ARHGAP6: variants seen among roughly 807,000 people sequenced by gnomAD.
ARHGAP6 encodes the protein rho GTPase-activating protein 6.
ARHGAP6 carries 16 observed loss-of-function variants against 55.7 expected under a neutral mutation model. The observed-to-expected ratio is 0.29, with a 90% CI of 0.19 to 0.44. ARHGAP6 has a LOEUF of 0.44. ARHGAP6 is among the 20% of genes least tolerant of loss of function. The pLI is 1.00. For synonymous variants in ARHGAP6, 382 were observed against 360.9 expected (o/e 1.06, Z -0.66); for missense variants, 698 against 808.9 (o/e 0.86, Z 1.66).
rs991824865 is a variant in ARHGAP6 at position 11,431,773 on chromosome X, C to T, written c.589-177066G>A. On this transcript the variant is annotated intron_variant, in intron 1 of 12. Transcript: ENST00000337414. ...TGTTACAAAACATTCACCTGTCTAACCTTCACTGAGGTCAAAAATTAAAAT... is the reference window on the plus strand; with the variant it reads ...TGTTACAAAACATTCACCTGTCTAATCTTCACTGAGGTCAAAAATTAAAAT... Among the ~76,000 whole-genome samples, 3 of 112,345 alleles carry T rather than the reference C, an allele frequency of 2.7e-5. No homozygotes were observed. In the East Asian group the frequency reaches 8.3e-4, roughly 31 times the overall value.
At position 11,295,021 on chromosome X, in the gene ARHGAP6, G is replaced by A. The variant is rs139502132; in HGVS notation, c.589-40314C>T. ...TTAAAAAGGTATATTCTCAAATGCC[G>A]CTACCAAAAATTCTGATTTGGTACA... On this transcript the variant is annotated intron_variant, in intron 1 of 12. Transcript: ENST00000337414. Among the ~76,000 whole-genome samples the A allele has an allele frequency of 6.0e-3, 671 of 111,823 alleles. 2 individuals are homozygous for A. The highest frequency in any genetic ancestry group is 0.028 in the Middle Eastern group (6 of 216).
chrX:11,171,353 T>G (rs1430287628), intron 8 of ARHGAP6, among the ~76,000 whole-genome samples: 1 of 108,899 alleles, frequency 9.2e-6, no homozygotes, highest in African/African-American at 3.4e-5. Context: ...TTTTGTAACT[T>G]GCTTACTATC....
chrX:11,461,361 T>C (rs1247114733), intron 1 of ARHGAP6, among the ~76,000 whole-genome samples: 1 of 111,652 alleles, frequency 9.0e-6, no homozygotes, highest in Non-Finnish European at 1.9e-5. Context: ...AAGAAATCAT[T>C]GGAGAGATAG....
intron 2 of ARHGAP6, among the ~76,000 whole-genome samples, chrX:11,205,767 T>C (rs904327554): frequency 1.8e-5 from 2 of 112,185 alleles, no homozygotes; most frequent in Non-Finnish European, 3.8e-5. Context: ...TTCTTCCTTA[T>C]GGATCCTACA....
intron 2 of ARHGAP6, among the ~76,000 whole-genome samples, chrX:11,248,874 C>A (rs1025613384): frequency 1.8e-5 from 2 of 111,705 alleles, no homozygotes; most frequent in Non-Finnish European, 3.8e-5. Context: ...CCTTAAAGAA[C>A]TAAAAGTAGA....
At chrX:11,623,240 T>C (rs1249351840) in intron 1 of ARHGAP6, among the ~76,000 whole-genome samples, 1 of 111,497 alleles carries the variant, frequency 9.0e-6, no homozygotes. Flanking sequence ...AGTAAAGTTG[T>C]AGTATACAAA....
chrX:11,350,892 C>G (rs960030515), intron 1 of ARHGAP6, among the ~76,000 whole-genome samples: 7 of 111,265 alleles, frequency 6.3e-5, no homozygotes, highest in Admixed American at 1.9e-4. Flanking sequence ...AATCTGTTAA[C>G]TATAATACTT....
At chrX:11,168,277 G>C (rs1302875531) in intron 9 of ARHGAP6, among the ~76,000 whole-genome samples, 1 of 112,453 alleles carries the variant, frequency 8.9e-6, no homozygotes, top group Non-Finnish European at 1.9e-5. Context: ...TTTTGAGGCA[G>C]CACGTGTTAC....
intron 1 of ARHGAP6, among the ~76,000 whole-genome samples, chrX:11,299,451 C>T (rs1317300577): frequency 8.9e-6 from 1 of 111,855 alleles, no homozygotes; most frequent in Non-Finnish European, 1.9e-5. Flanking sequence ...CAAAAACCTA[C>T]AGGAAGATTC....
intron 1 of ARHGAP6, among the ~76,000 whole-genome samples, chrX:11,418,364 T>A (rs1406106580): frequency 1.8e-5 from 2 of 111,956 alleles, no homozygotes; most frequent in Admixed American, 1.9e-4. Flanking sequence ...CAGAGATAAA[T>A]GAAAATTGCC....
At chrX:11,513,306 C>A (rs960168785) in intron 1 of ARHGAP6, among the ~76,000 whole-genome samples, 15 of 111,939 alleles carry the variant, frequency 1.3e-4, no homozygotes, top group Non-Finnish European at 2.1e-4. Flanking sequence ...AAAAAACCCA[C>A]AAGATTTTGT....
intron 2 of ARHGAP6, among the ~76,000 whole-genome samples, chrX:11,243,318 C>T (rs1569270436): frequency 9.0e-6 from 1 of 111,334 alleles, no homozygotes; most frequent in East Asian, 2.8e-4. Flanking sequence ...GAGTTATCAC[C>T]CCAAACTCGG....
At chrX:11,240,315 A>C (rs1004375607) in intron 2 of ARHGAP6, among the ~76,000 whole-genome samples, 9 of 112,258 alleles carry the variant, frequency 8.0e-5, no homozygotes, top group African/African-American at 2.6e-4. Flanking sequence ...CAAGAAATGG[A>C]ATGGATAGCA....
rs187799992 is a variant in ARHGAP6, at chrX:11,389,499, C to T, written c.589-134792G>A. On this transcript the variant is annotated intron_variant, in intron 1 of 12. Transcript: ENST00000337414. Reference sequence around the variant, plus strand: ...CCAAGTGAAGTTGCTAAAGCAAAAACCAGATATCAAATTATTTTGATTGTT... The same window carrying T: ...CCAAGTGAAGTTGCTAAAGCAAAAATCAGATATCAAATTATTTTGATTGTT... 3.9e-3 allele frequency among the ~76,000 whole-genome samples: 434 copies of T among 112,235 alleles called. 1 individual carries two copies. The highest frequency in any genetic ancestry group is 0.014 in the Middle Eastern group (3 of 219).
intron 2 of ARHGAP6, among the ~76,000 whole-genome samples, chrX:11,233,608 G>A (rs958599339): frequency 1.2e-4 from 14 of 112,007 alleles, no homozygotes; most frequent in African/African-American, 4.2e-4. Flanking sequence ...ACTGATAAAT[G>A]TCCCTTCTAG....
intron 1 of ARHGAP6, among the ~76,000 whole-genome samples, chrX:11,536,901 C>G (rs1445011144): frequency 8.9e-6 from 1 of 111,807 alleles, no homozygotes; most frequent in African/African-American, 3.2e-5. Flanking sequence ...CACGGAAGGG[C>G]CTTCAATTTT....
chrX:11,599,110 T>C (rs2051939222), intron 1 of ARHGAP6, among the ~76,000 whole-genome samples: 1 of 111,285 alleles, frequency 9.0e-6, no homozygotes, highest in African/African-American at 3.3e-5. Flanking sequence ...GACTGAGTAA[T>C]AAACCGTGTG....
At chrX:11,601,185 A>T (rs1020383411) in intron 1 of ARHGAP6, among the ~76,000 whole-genome samples, 3 of 111,373 alleles carry the variant, frequency 2.7e-5, no homozygotes, top group Non-Finnish European at 5.7e-5. Flanking sequence ...GATAAGTCCT[A>T]AAGGATTGTA....
At chrX:11,339,001 C>G (rs755217128) in intron 1 of ARHGAP6, among the ~76,000 whole-genome samples, 1 of 112,216 alleles carries the variant, frequency 8.9e-6, no homozygotes, top group East Asian at 2.8e-4. Context: ...AGGCCAACAT[C>G]TCTTAGTCAA....
Sources: gnomAD v4.1 joint callset for allele counts (sites outside exome capture counted in the v4.1 genomes callset) on GRCh38, gnomAD v4.1.1 for gene constraint, MANE v1.5 for transcripts, NCBI Gene and HGNC (gene_info 2026-07-23, HGNC 2026-07-21) for gene names.